The following ADRA1D variants were observed in gnomAD, a reference collection of about 807,000 sequenced individuals.
ADRA1D encodes alpha-1D adrenergic receptor.
A neutral mutation model predicts 18.6 loss-of-function variants in ADRA1D; 22 were observed. The ratio of observed to expected loss-of-function variants is 1.19; its 90% CI spans 0.85 to 1.69. The LOEUF is 1.69. Among genes scored for constraint, ADRA1D ranks in the 40% most tolerant of loss-of-function variants. The pLI is 0.00. For missense variants in ADRA1D, 840 were observed against 840.7 expected (o/e 1.00, Z 0.01); for synonymous variants, 376 against 388.2 (o/e 0.97, Z 0.37).
chr20:4,248,058 G>T lies in ADRA1D; in HGVS notation c.900C>A (p.Ser300=). ...GACAGTGGATGCGCAGCACCACCTC[G>T]GAGGCCTTGCCTCGCTCGCGCTTGA... ...AGVKRERGKA[S]EVVLRIHCRG... The change falls in exon 1 of 2, where the codon TCC becomes TCA. Residue 300 remains serine (S), a synonymous_variant. Transcript: ENST00000379453. 6.4e-7 allele frequency: 1 copy of T among 1,550,470 alleles called. No homozygotes were observed. The highest frequency in any genetic ancestry group is 8.7e-7 in the Non-Finnish European group (1 of 1,147,400).
chr20:4,234,434 C>T (rs1981043022), intron 1 of ADRA1D, among the ~76,000 whole-genome samples: 1 of 152,212 alleles, frequency 6.6e-6, no homozygotes, highest in Non-Finnish European at 1.5e-5. Context: ...AGGCTGCACC[C>T]CAGCCTCCCC....
intron 1 of ADRA1D, among the ~76,000 whole-genome samples, chr20:4,233,737 G>T (rs1981024036): frequency 6.6e-6 from 1 of 152,144 alleles, no homozygotes; most frequent in African/African-American, 2.4e-5. Context: ...GAAAGGTGGG[G>T]CCTGAGTGTG....
intron 1 of ADRA1D, among the ~76,000 whole-genome samples, chr20:4,231,606 G>A (rs979022466): frequency 2.6e-5 from 4 of 152,190 alleles, no homozygotes; most frequent in Admixed American, 6.5e-5. Flanking sequence ...GACGCTTTCC[G>A]AGTGTTCAGT....
At chr20:4,242,706 G>A (rs1981242244) in intron 1 of ADRA1D, among the ~76,000 whole-genome samples, 1 of 152,148 alleles carries the variant, frequency 6.6e-6, no homozygotes, top group South Asian at 2.1e-4. Flanking sequence ...ATTTGAGGGG[G>A]GCCCTGGGCT....
chr20:4,221,590 G>C lies in ADRA1D; in HGVS notation c.1652C>G (p.Ala551Gly). The change falls in exon 2 of 2, where the codon GCC (alanine) becomes GGC (glycine). Residue 551 changes from alanine to glycine, a missense_variant. Transcript: ENST00000379453. ...GTAGGCCTGGCAGGTGGCGCCCTCG[G>C]CCACCTCGTGTGGGACGCCTAGGGA... is the stretch of plus-strand genomic sequence containing the variant. ...AVSLGVPHEVAEGATCQAYEL... is the reference protein window; with the variant it reads ...AVSLGVPHEVGEGATCQAYEL... The C allele has an allele frequency of 6.2e-7, 1 of 1,612,964 alleles. No individual in the cohort carries two copies. Among genetic ancestry groups the C allele is most frequent in the Non-Finnish European group, 8.5e-7 (1 of 1,179,320 alleles).
Position 4,249,008 on chromosome 20 carries a change from G to A in ADRA1D, c.-51C>T. 8.1e-7 allele frequency: 1 copy of A among 1,229,160 alleles called. No homozygotes were observed. Among genetic ancestry groups the A allele is most frequent in the Non-Finnish European group, 1.0e-6 (1 of 969,456 alleles). The allele number at this position is 1,229,160 out of a possible 1,614,324, so 76.1% of individuals were successfully genotyped here. A position where few individuals can be genotyped will look rare whatever the true frequency, so the allele number is the denominator to read the frequency against. On this transcript the variant is annotated 5_prime_UTR_variant, in exon 1 of 2. Coordinates refer to ENST00000379453, the MANE Select transcript of ADRA1D (RefSeq NM_000678.4). ...GGCCGGGGCACAGAACGAGCGGCCG[G>A]CAGGGAGGGGAGCACAGGGCATAGC...
Position 4,221,759 on chromosome 20 carries a change from G to T in ADRA1D, c.1483C>A (p.Arg495Ser), listed in dbSNP as rs1454670834. 12 of 1,598,776 alleles carry T rather than the reference G, an allele frequency of 7.5e-6. No individual in the cohort carries two copies. The highest frequency in any genetic ancestry group is 1.0e-5 in the Non-Finnish European group (12 of 1,175,884). ...AACGGCCCCAGCAGCCTCCACTCGC[G>T]GAAGGCGCTGGGTGGCTTTCGACGG... The part of the protein sequence containing the change: ...ASRRKPPSAF[R>S]EWRLLGPFRR... Residue 495 changes from arginine (R) to serine (S), a missense_variant, in exon 2 of 2, where the codon CGC becomes AGC. By Grantham distance (110) the Arg-to-Ser change is moderately radical (BLOSUM62 -1). Coordinates refer to ENST00000379453, the MANE Select transcript of ADRA1D (RefSeq NM_000678.4).
chr20:4,245,905 A>T (rs903182858), intron 1 of ADRA1D, among the ~76,000 whole-genome samples: 14 of 152,114 alleles, frequency 9.2e-5, no homozygotes, highest in Admixed American at 6.5e-5. Flanking sequence ...CCCTGCAACA[A>T]CCTTTGGCTG....
chr20:4,246,817 A>C (rs566087039), intron 1 of ADRA1D, among the ~76,000 whole-genome samples: 1 of 152,196 alleles, frequency 6.6e-6, no homozygotes, highest in Non-Finnish European at 1.5e-5. Context: ...TCTAATTTAT[A>C]ATATATAAAG....
chr20:4,221,716 T>C lies in ADRA1D; in HGVS notation c.1526A>G (p.Gln509Arg). 1 of 1,608,794 alleles carries C rather than the reference T, an allele frequency of 6.2e-7. No individual in the cohort carries two copies. Among genetic ancestry groups the C allele is most frequent in the Non-Finnish European group, 8.5e-7 (1 of 1,178,900 alleles). ...CAGGCTGGAGACTTTGGCGCGCAGC[T>C]GGGTCGTGGGTCTCCGGAACGGCCC... is the stretch of plus-strand genomic sequence containing the variant. ...LLGPFRRPTT[Q>R]LRAKVSSLSH... Residue 509 changes from glutamine (Q) to arginine (R), a missense_variant, in exon 2 of 2, where the codon CAG becomes CGG. Gln to Arg is a conservative substitution (Grantham distance 43). Coordinates refer to ENST00000379453, the MANE Select transcript of ADRA1D (RefSeq NM_000678.4).
intron 1 of ADRA1D, among the ~76,000 whole-genome samples, chr20:4,233,633 G>T (rs1464420462): frequency 6.6e-6 from 1 of 152,194 alleles, no homozygotes; most frequent in East Asian, 1.9e-4. Context: ...TGTCAGTGCA[G>T]TGTCACGTCT....
chr20:4,222,588 C>G lies in ADRA1D; in HGVS notation c.1112-458G>C, dbSNP rs1229379908. Reference sequence around the variant, plus strand: ...AATAGGATAGAACATACGCCCCCGCCTCCCTGCCACATCTCCTGTCTGAGT... The same window carrying G: ...AATAGGATAGAACATACGCCCCCGCGTCCCTGCCACATCTCCTGTCTGAGT... On this transcript the variant is annotated intron_variant, in intron 1 of 1. Coordinates refer to ENST00000379453, the MANE Select transcript of ADRA1D (RefSeq NM_000678.4). This position sits in a 1 kb window ranked among gnomAD's most constrained non-coding sequence, Gnocchi z 4.3. Among the ~76,000 whole-genome samples the G allele has an allele frequency of 6.6e-6, 1 of 152,190 alleles. No homozygotes were observed. Among genetic ancestry groups the G allele is most frequent in the Non-Finnish European group, 1.5e-5 (1 of 68,042 alleles).
chr20:4,248,700 G>C lies in ADRA1D; in HGVS notation c.258C>G (p.Ala86=), dbSNP rs1193174353. The C allele has an allele frequency of 1.5e-5, 24 of 1,574,152 alleles. No homozygotes were observed. Among genetic ancestry groups the C allele is most frequent in the Non-Finnish European group, 2.1e-5 (24 of 1,161,282 alleles). Residue 86 remains alanine, a synonymous_variant, in exon 1 of 2, where the codon GCC becomes GCG. Transcript: ENST00000379453. ...GCGCGCTCACCACCAGTCCCCCGAC[G>C]GCCGCCGTGCCATTCACGTCGCCGC... The part of the protein sequence containing the change: ...GAGGDVNGTA[A]VGGLVVSAQG...
intron 1 of ADRA1D, among the ~76,000 whole-genome samples, chr20:4,235,707 T>G (rs1981072480): frequency 6.6e-6 from 1 of 152,272 alleles, no homozygotes; most frequent in Non-Finnish European, 1.5e-5. Flanking sequence ...GTCCCAGCAC[T>G]GAGCCGCCTG....
intron 1 of ADRA1D, among the ~76,000 whole-genome samples, chr20:4,243,152 G>C (rs993318639): frequency 6.6e-6 from 1 of 152,162 alleles, no homozygotes; most frequent in African/African-American, 2.4e-5. Flanking sequence ...AGGGTCAGGG[G>C]ATTCTTGCAC....
At chr20:4,231,897 C>T (rs1980978515) in intron 1 of ADRA1D, among the ~76,000 whole-genome samples, 1 of 152,120 alleles carries the variant, frequency 6.6e-6, no homozygotes, top group South Asian at 2.1e-4. Context: ...GCCCATCCCA[C>T]CTCTGGGTTT....
In ADRA1D at chr20:4,248,376, C is replaced by A. The variant is rs149074344; in HGVS notation, c.582G>T (p.Arg194=). The change falls in exon 1 of 2, where the codon CGG becomes CGT. Residue 194 remains arginine, a synonymous_variant. Transcript: ENST00000379453. The part of the protein sequence containing the change: ...ILSLCTISVD[R]YVGVRHSLKY... ...TGAGTGAGTGGCGCACGCCCACGTA[C>A]CGGTCCACGGAGATGGTGCAGAGGC... The A allele has an allele frequency of 5.0e-6, 8 of 1,608,916 alleles. No individual in the cohort carries two copies. In the East Asian group the frequency reaches 1.8e-4, roughly 36 times the overall value.
At chr20:4,224,674 T>A (rs564020932) in intron 1 of ADRA1D, among the ~76,000 whole-genome samples, 4 of 140,964 alleles carry the variant, frequency 2.8e-5, no homozygotes, top group African/African-American at 5.4e-5. Flanking sequence ...CCATCCTGGA[T>A]AGAGGCTGCA....
chr20:4,236,700 G>A (rs1981100848), intron 1 of ADRA1D, among the ~76,000 whole-genome samples: 2 of 152,206 alleles, frequency 1.3e-5, no homozygotes, highest in Non-Finnish European at 1.5e-5. Context: ...GGAGAATCCA[G>A]GTGGGCACAA....
Sources: gnomAD v4.1 joint callset for allele counts (sites outside exome capture counted in the v4.1 genomes callset) on GRCh38, gnomAD v4.1.1 for gene constraint, Gnocchi (gnomAD v3.1) non-coding constraint, MANE v1.5 for transcripts, NCBI Gene and HGNC (gene_info 2026-07-23, HGNC 2026-07-21) for gene names.